Variants in ZNF790 observed in about 807,000 individuals in gnomAD.
ZNF790 encodes the protein zinc finger protein 790.
ZNF790 carries 8 observed loss-of-function variants against 12.1 expected under a neutral mutation model. The observed-to-expected ratio is 0.66, with a 90% CI of 0.39 to 1.19. The LOEUF is 1.19. Among genes scored for constraint, ZNF790 ranks in the 50% most tolerant of loss-of-function variants. The pLI, the probability that ZNF790 is intolerant of heterozygous loss-of-function variation, is 0.01. For missense variants in ZNF790, 707 were observed against 752.2 expected (o/e 0.94, Z 0.70); for synonymous variants, 252 against 244.3 (o/e 1.03, Z -0.29).
At chr19:36,824,450 G>A (rs1169823169) in intron 2 of ZNF790, among the ~76,000 whole-genome samples, 3 of 152,056 alleles carry the variant, frequency 2.0e-5, no homozygotes, top group African/African-American at 7.2e-5. Flanking sequence ...GGGGTTACGT[G>A]TGTGCACCAC....
At chr19:36,827,141 C>CACACACATATAT (rs1313807327) in intron 1 of ZNF790, among the ~76,000 whole-genome samples, 10 of 84,440 alleles carry the variant, frequency 1.2e-4, no homozygotes, top group African/African-American at 5.5e-4. Context: ...CACACACACA[C>CACACACATATAT]ATATATATAT....
chr19:36,845,902 G>A (rs1368274982), intron 1 of ZNF790, among the ~76,000 whole-genome samples: 6 of 151,690 alleles, frequency 4.0e-5, no homozygotes, highest in African/African-American at 1.2e-4. Flanking sequence ...TCTGCCTCCC[G>A]GGTTCAAGCG....
At chr19:36,827,167 T>C (rs1261788611) in intron 1 of ZNF790, among the ~76,000 whole-genome samples, 1,595 of 133,424 alleles carry the variant, frequency 0.012, 57 homozygotes, top group African/African-American at 0.041. Flanking sequence ...TATATATATA[T>C]ATATATATAT....
Position 36,819,615 on chromosome 19 carries a change from A to G in ZNF790, c.729T>C (p.Gly243=). The part of the protein sequence containing the change: ...KSFSLRSSLT[G]HKRIHTGEKP... Reference sequence around the variant, plus strand: ...TCTCACCGGTATGAATTCTCTTATGACCAGTAAGACTCGAACGTAAACTAA... The same window carrying G: ...TCTCACCGGTATGAATTCTCTTATGGCCAGTAAGACTCGAACGTAAACTAA... The change falls in exon 5 of 5, where the codon GGT becomes GGC. Residue 243 remains glycine, a synonymous_variant. Transcript: ENST00000356725. 6.2e-7 allele frequency: 1 copy of G among 1,607,380 alleles called. No individual in the cohort carries two copies.
At chr19:36,837,418 C>T (rs1265872483) in intron 1 of ZNF790, among the ~76,000 whole-genome samples, 1 of 152,128 alleles carries the variant, frequency 6.6e-6, no homozygotes, top group Non-Finnish European at 1.5e-5. Context: ...AGATGGCCGG[C>T]CTCCTTGTTG....
chr19:36,826,644 TTATA>T (rs550919673), intron 1 of ZNF790, among the ~76,000 whole-genome samples: 1 of 145,912 alleles, frequency 6.9e-6, no homozygotes, highest in African/African-American at 2.5e-5. Flanking sequence ...ATAATAAAAA[TTATA>T]TATATATATG....
rs369671729 is a variant in ZNF790, at chr19:36,827,141, CATATATATATATATATATATATATAT to C, written c.-73-1475_-73-1450del. On this transcript the variant is annotated intron_variant, in intron 1 of 4. Coordinates refer to ENST00000356725, the MANE Select transcript of ZNF790 (RefSeq NM_206894.4). Reference sequence around the variant, plus strand: ...ATACACACACACACACACACACACACATATATATATATATATATATATATATATATATATATACACTTACCAAACTA... The same window carrying C: ...ATACACACACACACACACACACACACATATATATATACACTTACCAAACTA... Among the ~76,000 whole-genome samples, 5 of 84,440 alleles carry C rather than the reference CATATATATATATATATATATATATAT, an allele frequency of 5.9e-5. 1 individual carries two copies. The highest frequency in any genetic ancestry group is 2.8e-4 in the Admixed American group (2 of 7,224). The allele number at this position is 84,440 out of a possible 152,430, so 55.4% of individuals were successfully genotyped here. A position where few individuals can be genotyped will look rare whatever the true frequency, so the allele number is the denominator to read the frequency against.
intron 1 of ZNF790, among the ~76,000 whole-genome samples, chr19:36,849,367 C>G (rs1020856584): frequency 2.0e-5 from 3 of 152,172 alleles, no homozygotes; most frequent in African/African-American, 7.2e-5. Flanking sequence ...TTCCTCCTAG[C>G]TCCCCTTTCT....
upstream of ZNF790, among the ~76,000 whole-genome samples, chr19:36,843,182 C>G (rs1466929413): frequency 6.6e-6 from 1 of 152,102 alleles, no homozygotes. Context: ...TTTTCTGGGC[C>G]TAAAAACACA....
At chr19:36,823,506 A>G (rs1276869644) in intron 3 of ZNF790, 126 bp from the exon 4 acceptor site, 1 of 1,264,484 alleles carries the variant, frequency 7.9e-7, no homozygotes, top group African/African-American at 1.5e-5. Flanking sequence ...AAACTATGGG[A>G]AAGATGGAAG....
chr19:36,843,002 CAAAAA>C (rs59705640), upstream of ZNF790, among the ~76,000 whole-genome samples: 1 of 65,544 alleles, frequency 1.5e-5, no homozygotes, highest in Non-Finnish European at 3.1e-5. Context: ...GACTCCATCT[CAAAAA>C]AAAAAAAAAA....
At chr19:36,820,395 A>C (rs1319971767) in intron 4 of ZNF790, among the ~76,000 whole-genome samples, 1 of 152,200 alleles carries the variant, frequency 6.6e-6, no homozygotes. Flanking sequence ...ATAACAGAAT[A>C]ATAAGTCATA....
chr19:36,834,361 T>C (rs1226632609), intron 1 of ZNF790, among the ~76,000 whole-genome samples: 1 of 151,752 alleles, frequency 6.6e-6, no homozygotes, highest in African/African-American at 2.4e-5. Context: ...CAAAGAACTC[T>C]TAAGGATTAA....
intron 1 of ZNF790, among the ~76,000 whole-genome samples, chr19:36,845,047 CAAAAAAAAAAAAAAAAAAAAAA>C (rs10611049): frequency 2.9e-5 from 1 of 34,918 alleles, no homozygotes; most frequent in African/African-American, 9.5e-5. Context: ...GACTCCGTCT[CAAAAAAAAAAAAAAAAAAAAAA>C]AAAAAGAAAT....
chr19:36,847,030 G>T (rs1004693147), intron 1 of ZNF790, among the ~76,000 whole-genome samples: 3 of 145,456 alleles, frequency 2.1e-5, no homozygotes, highest in African/African-American at 7.4e-5. Flanking sequence ...TAAAACCCTT[G>T]TAGTTTCCTA....
chr19:36,842,194 G>C (rs1020458396), upstream of ZNF790, among the ~76,000 whole-genome samples: 1 of 152,218 alleles, frequency 6.6e-6, no homozygotes, highest in African/African-American at 2.4e-5. Context: ...ACATGGGATA[G>C]ATTGGGAGAA....
chr19:36,848,953 C>T (rs573157339), intron 1 of ZNF790, among the ~76,000 whole-genome samples: 1 of 152,186 alleles, frequency 6.6e-6, no homozygotes, highest in Non-Finnish European at 1.5e-5. Context: ...ACCACCACGC[C>T]CAGCTAATTT....
In ZNF790 at chr19:36,819,638, T is replaced by G. The variant is rs1568333614; in HGVS notation, c.706A>C (p.Ser236Arg). The G allele has an allele frequency of 6.2e-7, 1 of 1,607,548 alleles. No individual in the cohort carries two copies. Among genetic ancestry groups the G allele is most frequent in the East Asian group, 2.2e-5 (1 of 44,770 alleles). The change falls in exon 5 of 5, where the codon AGT becomes CGT. Residue 236 changes from serine to arginine, a missense_variant. Physicochemically the swap from Ser to Arg is moderately radical, Grantham distance 110. Coordinates refer to ENST00000356725, the MANE Select transcript of ZNF790 (RefSeq NM_206894.4). ...TGACCAGTAAGACTCGAACGTAAACTAAAAGACTTCCCACATTCTTTACAT... is the reference window on the plus strand; with the variant it reads ...TGACCAGTAAGACTCGAACGTAAACGAAAAGACTTCCCACATTCTTTACAT... Reference protein sequence around the residue: ...YECKECGKSFSLRSSLTGHKR... With the variant: ...YECKECGKSFRLRSSLTGHKR...
chr19:36,843,361 G>C (rs1445797725), upstream of ZNF790, among the ~76,000 whole-genome samples: 1 of 151,132 alleles, frequency 6.6e-6, no homozygotes, highest in Non-Finnish European at 1.5e-5. Flanking sequence ...CAGAGTTTTT[G>C]GTAGTCTTGC....
Sources: gnomAD v4.1 joint callset for allele counts (sites outside exome capture counted in the v4.1 genomes callset) on GRCh38, gnomAD v4.1.1 for gene constraint, MANE v1.5 for transcripts, NCBI Gene and HGNC (gene_info 2026-07-23, HGNC 2026-07-21) for gene names.